Variants in ASXL3 observed in about 807,000 individuals in gnomAD.
ASXL3 encodes the protein putative Polycomb group protein ASXL3.
Under a neutral mutation model 170.6 loss-of-function variants are expected in ASXL3, and 34 were observed. That is an observed-to-expected ratio of 0.20 (90% CI 0.15 to 0.27). The LOEUF (loss-of-function observed/expected upper bound fraction) is 0.27, where lower values mean the gene tolerates loss of function less well. ASXL3 is among the 10% of genes least tolerant of loss of function. The probability of loss-of-function intolerance (pLI) is 1.00; values close to 1 mark genes in which losing one functional copy is unlikely to be tolerated. For synonymous variants in ASXL3, 1,002 were observed against 989.1 expected (o/e 1.01, Z -0.24); for missense variants, 2,592 against 2,695.3 (o/e 0.96, Z 0.85).
At chr18:33,618,927 TGG>T (rs1331310692) in intron 2 of ASXL3, among the ~76,000 whole-genome samples, 1 of 152,178 alleles carries the variant, frequency 6.6e-6, no homozygotes, top group Non-Finnish European at 1.5e-5. Context: ...TTAATTTTCT[TGG>T]CATAGTGCTG....
chr18:33,643,263 T>G (rs953725562), intron 2 of ASXL3, among the ~76,000 whole-genome samples: 16 of 151,882 alleles, frequency 1.1e-4, no homozygotes, highest in African/African-American at 3.9e-4. Flanking sequence ...TATTTGGAAT[T>G]TATTCATGGA....
chr18:33,589,638 A>G (rs746846735), intron 1 of ASXL3, among the ~76,000 whole-genome samples: 2 of 152,214 alleles, frequency 1.3e-5, no homozygotes. Flanking sequence ...TTTGCAAAGT[A>G]AATAATCTCC....
chr18:33,628,744 C>A lies in ASXL3; in HGVS notation c.138-16150C>A, dbSNP rs554143188. Reference sequence around the variant, plus strand: ...GCTTTTTTTGTTTTTAATGTGTCTGCAAAAATTTTTCTATGTGGAACGTTG... The same window carrying A: ...GCTTTTTTTGTTTTTAATGTGTCTGAAAAAATTTTTCTATGTGGAACGTTG... On this transcript the variant is annotated intron_variant, in intron 2 of 11. Transcript: ENST00000269197. 2.6e-4 allele frequency among the ~76,000 whole-genome samples: 32 copies of A among 125,274 alleles called. No homozygotes were observed. In the East Asian group the frequency reaches 4.5e-3, roughly 18 times the overall value. The allele number at this position is 125,274 out of a possible 152,430, so 82.2% of individuals were successfully genotyped here. A position where few individuals can be genotyped will look rare whatever the true frequency, so the allele number is the denominator to read the frequency against.
At position 33,743,509 on chromosome 18, in the gene ASXL3, T is replaced by A; in HGVS notation, c.3661T>A (p.Ser1221Thr). The A allele has an allele frequency of 6.2e-7, 1 of 1,613,596 alleles. No homozygotes were observed. The highest frequency in any genetic ancestry group is 8.5e-7 in the Non-Finnish European group (1 of 1,179,870). Residue 1221 changes from serine to threonine, a missense_variant, in exon 12 of 12, where the codon TCT becomes ACT. Transcript: ENST00000269197. ...HLSEKIVSST[S>T]SENSSVPMLF... ...ATCTGAGAAAATTGTTTCATCTACC[T>A]CTTCTGAAAATAGCAGTGTGCCCAT...
intron 2 of ASXL3, among the ~76,000 whole-genome samples, chr18:33,632,311 A>G (rs142425501): frequency 6.6e-6 from 1 of 152,276 alleles, no homozygotes; most frequent in African/African-American, 2.4e-5. Context: ...TGGAATATAA[A>G]GAACTCACAT....
At chr18:33,703,011 G>C (rs75031174) in intron 8 of ASXL3, among the ~76,000 whole-genome samples, 3,290 of 152,176 alleles carry the variant, frequency 0.022, 129 homozygotes, top group African/African-American at 0.075. Context: ...TTAAATTTCA[G>C]TTCCTTTGCA....
intron 8 of ASXL3, among the ~76,000 whole-genome samples, chr18:33,711,670 G>A (rs997450243): frequency 1.3e-5 from 2 of 152,060 alleles, no homozygotes; most frequent in Admixed American, 6.6e-5. Context: ...GGTTGTTTGC[G>A]CACAGATCCT....
intron 8 of ASXL3, among the ~76,000 whole-genome samples, chr18:33,729,110 C>A (rs1395890284): frequency 6.6e-6 from 1 of 151,398 alleles, no homozygotes; most frequent in Non-Finnish European, 1.5e-5. Flanking sequence ...CAGCTCTTTC[C>A]TCCCGAAACA....
chr18:33,674,643 A>G (rs1203229202), intron 7 of ASXL3, among the ~76,000 whole-genome samples: 2 of 149,080 alleles, frequency 1.3e-5, no homozygotes, highest in African/African-American at 4.9e-5. Flanking sequence ...TTTGAGACGG[A>G]GTCTCGCTCT....
At chr18:33,677,053 G>C (rs555392253) in intron 7 of ASXL3, among the ~76,000 whole-genome samples, 1 of 152,254 alleles carries the variant, frequency 6.6e-6, no homozygotes, top group African/African-American at 2.4e-5. Flanking sequence ...CACATAGTAA[G>C]AGTTTAAAAA....
At chr18:33,672,424 A>G (rs569254555) in intron 7 of ASXL3, among the ~76,000 whole-genome samples, 1 of 152,316 alleles carries the variant, frequency 6.6e-6, no homozygotes, top group South Asian at 2.1e-4. Flanking sequence ...GTTTTCTTCA[A>G]CATACTTCTT....
chr18:33,660,805 G>A (rs2066160950), intron 4 of ASXL3, among the ~76,000 whole-genome samples: 1 of 152,148 alleles, frequency 6.6e-6, no homozygotes, highest in Non-Finnish European at 1.5e-5. Flanking sequence ...GGAGTCAAAT[G>A]AGGACTCAGA....
At chr18:33,710,291 G>A (rs1222748730) in intron 8 of ASXL3, among the ~76,000 whole-genome samples, 1 of 152,014 alleles carries the variant, frequency 6.6e-6, no homozygotes, top group Non-Finnish European at 1.5e-5. Flanking sequence ...AAACTGACTG[G>A]TGGTCATTGA....
Position 33,578,699 on chromosome 18 carries a change from C to T in ASXL3, c.54+14C>T, listed in dbSNP as rs570411923. The T allele has an allele frequency of 5.5e-5, 70 of 1,262,628 alleles. 1 individual carries two copies. The South Asian group carries it at 1.1e-3, about 19-fold the overall frequency. The allele number at this position is 1,262,628 out of a possible 1,614,324, so 78.2% of individuals were successfully genotyped here. Reference sequence around the variant, plus strand: ...GCTGCCCGCCTGGTACGTACCGCCCCCCACACGCCGCCCGCGCCTCCCGCC... The same window carrying T: ...GCTGCCCGCCTGGTACGTACCGCCCTCCACACGCCGCCCGCGCCTCCCGCC... On this transcript the variant is annotated intron_variant, in intron 1 of 11. Transcript: ENST00000269197.
intron 1 of ASXL3, among the ~76,000 whole-genome samples, chr18:33,586,824 T>C (rs1248983951): frequency 6.6e-6 from 1 of 152,192 alleles, no homozygotes; most frequent in Non-Finnish European, 1.5e-5. Context: ...CCAGTTCATT[T>C]AAACATTTAT....
chr18:33,599,949 G>A (rs536234608), intron 1 of ASXL3, among the ~76,000 whole-genome samples: 40 of 152,080 alleles, frequency 2.6e-4, no homozygotes, highest in Non-Finnish European at 4.9e-4. Context: ...CGTCATATTA[G>A]GTTAATGTAG....
chr18:33,637,835 A>G (rs1015250635), intron 2 of ASXL3, among the ~76,000 whole-genome samples: 2 of 152,056 alleles, frequency 1.3e-5, no homozygotes, highest in African/African-American at 4.8e-5. Context: ...TTAAATTCCA[A>G]ATGGTTTTCT....
intron 1 of ASXL3, among the ~76,000 whole-genome samples, chr18:33,581,553 T>C (rs1382244933): frequency 1.3e-5 from 2 of 151,840 alleles, no homozygotes; most frequent in East Asian, 3.9e-4. Context: ...AATAGATATT[T>C]TGAACCATGA....
chr18:33,653,897 G>A lies in ASXL3; in HGVS notation c.355+7544G>A, dbSNP rs191566582. Among the ~76,000 whole-genome samples the A allele has an allele frequency of 3.0e-3, 457 of 151,552 alleles. 3 individuals are homozygous for A. Among genetic ancestry groups the A allele is most frequent in the African/African-American group, 0.011 (442 of 41,312 alleles). ...TTCTGTGCTCTGATGATAAACAACAGATGGTCACCCCTTCATCTTAACTTC... is the reference window on the plus strand; with the variant it reads ...TTCTGTGCTCTGATGATAAACAACAAATGGTCACCCCTTCATCTTAACTTC... On this transcript the variant is annotated intron_variant, in intron 4 of 11. Transcript: ENST00000269197.
Sources: gnomAD v4.1 joint callset for allele counts (sites outside exome capture counted in the v4.1 genomes callset) on GRCh38, gnomAD v4.1.1 for gene constraint, MANE v1.5 for transcripts, NCBI Gene and HGNC (gene_info 2026-07-23, HGNC 2026-07-21) for gene names.